Variants in PHACTR2 observed in about 807,000 individuals in gnomAD.
PHACTR2 encodes chromosome 6 open reading frame 56.
In PHACTR2, 30 loss-of-function variants were observed where a neutral mutation model predicts 76.0. The ratio of observed to expected loss-of-function variants is 0.39; its 90% CI spans 0.30 to 0.54. PHACTR2 has a LOEUF of 0.54. PHACTR2 is among the 20% of genes least tolerant of loss of function. The pLI is 0.61. For missense variants in PHACTR2, 696 were observed against 781.1 expected, an observed-to-expected ratio of 0.89 and a Z score of 1.30; for synonymous variants, 292 against 292.5, an observed-to-expected ratio of 1.00 and a Z score of 0.02.
At chr6:143,607,445 G>A (rs1295933767), upstream of PHACTR2, among the ~76,000 whole-genome samples, 3 of 152,202 alleles carry the variant, frequency 2.0e-5, no homozygotes, top group Non-Finnish European at 4.4e-5. Context: ...AAGTGAAGTA[G>A]GGCCTTCCTG....
intron 2 of PHACTR2, among the ~76,000 whole-genome samples, chr6:143,725,148 A>G (rs2128464230): frequency 6.6e-6 from 1 of 150,376 alleles, no homozygotes; most frequent in Non-Finnish European, 1.5e-5. Context: ...TCGCTACCAC[A>G]GTCAGGATAT....
chr6:143,731,402 C>G lies in PHACTR2; in HGVS notation c.215-17583C>G, dbSNP rs1320238874. ...TCCCAGGTTCAAGTGATTCTCCTGC[C>G]TCAGCCTCCGGAGTAGCTGGGATTA... On this transcript the variant is annotated intron_variant, in intron 2 of 12. Coordinates refer to ENST00000440869, the MANE Select transcript of PHACTR2 (RefSeq NM_001100164.2). This position sits in a 1 kb window ranked among gnomAD's most constrained non-coding sequence, Gnocchi z 4.9. Among the ~76,000 whole-genome samples the G allele has an allele frequency of 6.6e-6, 1 of 152,230 alleles. No individual in the cohort carries two copies. The highest frequency in any genetic ancestry group is 1.9e-4 in the East Asian group (1 of 5,162).
rs918021470 is a variant in PHACTR2, at chr6:143,546,472, G to A, written c.217+9265G>A. ...TCCATAACTCACATACTGTAAGCAT[G>A]TGACATAATAATTAATGGTCATTAG... On this transcript the variant is annotated intron_variant, in intron 1 of 11. Transcript: ENST00000367584. This position sits in a 1 kb window ranked among gnomAD's most constrained non-coding sequence, Gnocchi z 4.9. Among the ~76,000 whole-genome samples, 1 of 152,106 alleles carries A rather than the reference G, an allele frequency of 6.6e-6. No individual in the cohort carries two copies. The highest frequency in any genetic ancestry group is 1.5e-5 in the Non-Finnish European group (1 of 68,018).
At chr6:143,728,253 T>A (rs1221639688) in intron 2 of PHACTR2, among the ~76,000 whole-genome samples, 2 of 146,458 alleles carry the variant, frequency 1.4e-5, no homozygotes, top group Non-Finnish European at 3.0e-5. Context: ...GGTCTTACTC[T>A]GTCACTTAGG....
At position 143,821,944 on chromosome 6, in the gene PHACTR2, C is replaced by T. The variant is rs917001445; in HGVS notation, c.1923-1730C>T. ...GGTTGAAGCTGCAGTGAGCTGAGAT[C>T]GCACCACTGCACTCCAGCCTGGGCA... On this transcript the variant is annotated intron_variant, in intron 12 of 12. Coordinates refer to ENST00000440869, the MANE Select transcript of PHACTR2 (RefSeq NM_001100164.2). This position sits in a 1 kb window ranked among gnomAD's most constrained non-coding sequence, Gnocchi z 5.2. 2.0e-5 allele frequency among the ~76,000 whole-genome samples: 3 copies of T among 152,130 alleles called. No individual in the cohort carries two copies. Among genetic ancestry groups the T allele is most frequent in the Non-Finnish European group, 4.4e-5 (3 of 68,024 alleles).
At position 143,771,201 on chromosome 6, in the gene PHACTR2, T is replaced by C. The variant is rs1475847112; in HGVS notation, c.1233-1057T>C. On this transcript the variant is annotated intron_variant, in intron 6 of 12. Coordinates refer to ENST00000440869, the MANE Select transcript of PHACTR2 (RefSeq NM_001100164.2). The stretch of plus-strand genomic sequence containing the variant: ...ATATATATATATATGTGTGTATATA[T>C]ATATATATATATATATATATATATA... Among the ~76,000 whole-genome samples the C allele has an allele frequency of 6.5e-5, 4 of 61,128 alleles. 1 individual carries two copies. In the South Asian group the frequency reaches 1.8e-3, roughly 27 times the overall value. The allele number at this position is 61,128 out of a possible 152,430, so 40.1% of individuals were successfully genotyped here.
intron 1 of PHACTR2, among the ~76,000 whole-genome samples, chr6:143,668,966 G>C (rs1390926847): frequency 6.6e-6 from 1 of 152,072 alleles, no homozygotes; most frequent in Admixed American, 6.6e-5. Context: ...TGATGTTAGG[G>C]TGTCGATTTT....
In PHACTR2 at chr6:143,827,155, AATATATATATAT is replaced by A. The variant is rs67124785; in HGVS notation, c.*3499_*3510del. ...GGGCTGCGTTGGCATTAAAAAAGAA[AATATATATATAT>A]ATATATATATATATATATATATATA... is the stretch of plus-strand genomic sequence containing the variant. On this transcript the variant is annotated 3_prime_UTR_variant, in exon 13 of 13. Coordinates refer to ENST00000440869, the MANE Select transcript of PHACTR2 (RefSeq NM_001100164.2). 4,356 of 77,202 alleles carry A rather than the reference AATATATATATAT, an allele frequency of 0.056. 176 individuals are homozygous for A. Among genetic ancestry groups the A allele is most frequent in the Admixed American group, 0.077 (521 of 6,808 alleles). The allele number at this position is 77,202 out of a possible 1,614,324, so 4.8% of individuals were successfully genotyped here. A position where few individuals can be genotyped will look rare whatever the true frequency, so the allele number is the denominator to read the frequency against.
rs1450808300 is a variant in PHACTR2, at chr6:143,627,292, A to C, written c.13+18970A>C. 1.3e-5 allele frequency among the ~76,000 whole-genome samples: 2 copies of C among 152,194 alleles called. No homozygotes were observed. The highest frequency in any genetic ancestry group is 4.8e-5 in the African/African-American group (2 of 41,456). On this transcript the variant is annotated intron_variant, in intron 1 of 11. Transcript: ENST00000305766. The surrounding 1 kb of genome is among the most constrained non-coding windows in gnomAD (Gnocchi z 4.3). The stretch of plus-strand genomic sequence containing the variant: ...GTAGCTAAACATTATTATTTTCAAA[A>C]CTAAGATAGCTTTACTCAGTTCGAT...
In PHACTR2 at chr6:143,753,770, T is replaced by C. The variant is rs1779237169; in HGVS notation, c.312T>C (p.Val104=). 3 of 1,598,750 alleles carry C rather than the reference T, an allele frequency of 1.9e-6. No homozygotes were observed. The highest frequency in any genetic ancestry group is 1.4e-5 in the African/African-American group (1 of 73,996). Reference sequence around the variant, plus strand: ...CCATTTTAGATGGAGATGTAACAGTTAACTTTGAAAATTCAAACGGGCACA... The same window carrying C: ...CCATTTTAGATGGAGATGTAACAGTCAACTTTGAAAATTCAAACGGGCACA... ...ELPDQDGDVT[V]NFENSNGHMI... Residue 104 remains valine (V), a synonymous_variant, in exon 4 of 13, where the codon GTT becomes GTC. Coordinates refer to ENST00000440869, the MANE Select transcript of PHACTR2 (RefSeq NM_001100164.2). This position sits in a 1 kb window ranked among gnomAD's most constrained non-coding sequence, Gnocchi z 4.6.
intron 1 of PHACTR2, among the ~76,000 whole-genome samples, chr6:143,669,006 T>G (rs1268265685): frequency 6.6e-6 from 1 of 152,252 alleles, no homozygotes; most frequent in Non-Finnish European, 1.5e-5. Context: ...CTGTAGGCAT[T>G]TAGTGCTATA....
chr6:143,633,107 C>T lies in PHACTR2; in HGVS notation c.13+24785C>T, dbSNP rs1238670311. Among the ~76,000 whole-genome samples, 5 of 152,104 alleles carry T rather than the reference C, an allele frequency of 3.3e-5. No homozygotes were observed. The highest frequency in any genetic ancestry group is 3.8e-4 in the East Asian group (2 of 5,198). Reference sequence around the variant, plus strand: ...CTTTTTGCTGACATAATCTTTCAGCCGATTTGGTTAAATACCAAGGCGTGC... The same window carrying T: ...CTTTTTGCTGACATAATCTTTCAGCTGATTTGGTTAAATACCAAGGCGTGC... On this transcript the variant is annotated intron_variant, in intron 1 of 11. Coordinates refer to the PHACTR2 transcript ENST00000305766. This position sits in a 1 kb window ranked among gnomAD's most constrained non-coding sequence, Gnocchi z 4.1.
intron 4 of PHACTR2, among the ~76,000 whole-genome samples, chr6:143,758,005 C>A (rs531560421): frequency 6.6e-6 from 1 of 151,790 alleles, no homozygotes; most frequent in Admixed American, 6.6e-5. Context: ...TAAGAATTAC[C>A]AGAATGACAA....
chr6:143,550,057 GACTAC>G lies in PHACTR2; in HGVS notation c.217+12851_217+12855del, dbSNP rs1454023609. Among the ~76,000 whole-genome samples the G allele has an allele frequency of 6.6e-6, 1 of 151,974 alleles. No homozygotes were observed. The highest frequency in any genetic ancestry group is 1.5e-5 in the Non-Finnish European group (1 of 67,964). ...GGAGTGATATCCCAATGCATCAGTG[GACTAC>G]TCAAATCAAACGTAATGGCCTGCTG... On this transcript the variant is annotated intron_variant, in intron 1 of 11. Coordinates refer to the PHACTR2 transcript ENST00000367584. This position sits in a 1 kb window ranked among gnomAD's most constrained non-coding sequence, Gnocchi z 4.8.
chr6:143,670,027 C>G (rs1171691938), intron 1 of PHACTR2, among the ~76,000 whole-genome samples: 1 of 152,162 alleles, frequency 6.6e-6, no homozygotes, highest in African/African-American at 2.4e-5. Context: ...CCTTCAGGAA[C>G]TCTTGTAAGG....
intron 1 of PHACTR2, among the ~76,000 whole-genome samples, chr6:143,660,254 A>AAAAAGGTTTATTGGACTT (rs1474915297): frequency 6.6e-6 from 1 of 152,142 alleles, no homozygotes; most frequent in Non-Finnish European, 1.5e-5. Context: ...CAAAAAAAAA[A>AAAAAGGTTTATTGGACTT]AAAAGGTTTA....
chr6:143,575,178 G>T (rs9399448), intron 1 of PHACTR2, among the ~76,000 whole-genome samples: 93,300 of 151,948 alleles, frequency 0.61, 28,967 homozygotes, highest in Middle Eastern at 0.72. Context: ...TTACATCTAC[G>T]AATTAATTTC....
chr6:143,593,179 G>A (rs1473007846), intron 1 of PHACTR2, among the ~76,000 whole-genome samples: 2 of 151,974 alleles, frequency 1.3e-5, no homozygotes, highest in Non-Finnish European at 2.9e-5. Flanking sequence ...GTGTGGTTGT[G>A]TATTAGATGC....
intron 2 of PHACTR2, among the ~76,000 whole-genome samples, chr6:143,725,862 A>T (rs920977034): frequency 1.3e-5 from 2 of 151,868 alleles, no homozygotes; most frequent in African/African-American, 4.8e-5. Flanking sequence ...GGAATCATTC[A>T]GTGTGAAATC....
Sources: gnomAD v4.1 joint callset for allele counts (sites outside exome capture counted in the v4.1 genomes callset) on GRCh38, gnomAD v4.1.1 for gene constraint, Gnocchi (gnomAD v3.1) non-coding constraint, MANE v1.5 for transcripts, NCBI Gene and HGNC (gene_info 2026-07-23, HGNC 2026-07-21) for gene names.